Variants in FHIT observed in about 807,000 individuals in gnomAD.
FHIT encodes the protein bis(5'-adenosyl)-triphosphatase.
FHIT carries 19 observed loss-of-function variants against 17.9 expected under a neutral mutation model. The ratio of observed to expected loss-of-function variants is 1.06; its 90% CI spans 0.74 to 1.56. The LOEUF is 1.56. Among genes scored for constraint, FHIT ranks in the 40% most tolerant of loss-of-function variants. The pLI, the probability that FHIT is intolerant of heterozygous loss-of-function variation, is 0.00. For synonymous variants in FHIT, 81 were observed against 69.7 expected, an observed-to-expected ratio of 1.16 and a Z score of -0.81; for missense variants, 248 against 189.2, an observed-to-expected ratio of 1.31 and a Z score of -1.82.
intron 4 of FHIT, chr3:60,617,999 C>T: frequency 4.0e-6 from 1 of 252,676 alleles, no homozygotes; most frequent in South Asian, 5.2e-5. Context: ...TAAATGCTGG[C>T]TGTAACTTGA....
chr3:60,272,408 G>GATT, intron 5 of FHIT, among the ~76,000 whole-genome samples: 1 of 152,272 alleles, frequency 6.6e-6, no homozygotes, highest in East Asian at 1.9e-4. Flanking sequence ...ATAGAGACCA[G>GATT]ATTATAGTCA....
chr3:60,570,257 A>C (rs2037328023), intron 4 of FHIT, among the ~76,000 whole-genome samples: 1 of 152,216 alleles, frequency 6.6e-6, no homozygotes, highest in Non-Finnish European at 1.5e-5. Flanking sequence ...ATGATAACAT[A>C]AGCACAGAAG....
chr3:60,525,672 T>C lies in FHIT; in HGVS notation c.103+11188A>G, dbSNP rs80261611. ...TTTAAAATTCTAGTCTTGGTTCTTTTAAAATTTTATATCCTATCAAGCACA... is the reference window on the plus strand; with the variant it reads ...TTTAAAATTCTAGTCTTGGTTCTTTCAAAATTTTATATCCTATCAAGCACA... On this transcript the variant is annotated intron_variant, in intron 5 of 9. Coordinates refer to ENST00000492590, the MANE Select transcript of FHIT (RefSeq NM_002012.4). 7.4e-3 allele frequency among the ~76,000 whole-genome samples: 1,127 copies of C among 152,316 alleles called. 15 individuals carry two copies. The highest frequency in any genetic ancestry group is 0.026 in the African/African-American group (1,080 of 41,556).
chr3:60,207,438 T>G (rs1326402875), intron 5 of FHIT, among the ~76,000 whole-genome samples: 1 of 152,134 alleles, frequency 6.6e-6, no homozygotes, highest in African/African-American at 2.4e-5. Context: ...GTCACTTTTC[T>G]TACTATATCT....
chr3:60,560,239 G>A lies in FHIT; in HGVS notation c.-17-23260C>T, dbSNP rs375785177. Among the ~76,000 whole-genome samples the A allele has an allele frequency of 7.2e-5, 11 of 152,204 alleles. No individual in the cohort carries two copies. In the South Asian group the frequency reaches 2.1e-3, roughly 29 times the overall value. On this transcript the variant is annotated intron_variant, in intron 4 of 9. Transcript: ENST00000492590. The stretch of plus-strand genomic sequence containing the variant: ...ACTAATTAGTATACCATATAGAAGT[G>A]CCTGTCTTGTATTATTTACAGTGCC...
chr3:60,177,197 G>C (rs1448797074), intron 5 of FHIT, among the ~76,000 whole-genome samples: 3 of 150,870 alleles, frequency 2.0e-5, no homozygotes, highest in Non-Finnish European at 2.9e-5. Context: ...ATAAATACCT[G>C]CCATTAAAAT....
At position 60,280,979 on chromosome 3, in the gene FHIT, T is replaced by C. The variant is rs193206723; in HGVS notation, c.103+255881A>G. On this transcript the variant is annotated intron_variant, in intron 5 of 9. Coordinates refer to ENST00000492590, the MANE Select transcript of FHIT (RefSeq NM_002012.4). ...ACATTCTCTAGAACAAATAAGCAACTGCAGCAATGTTTCAGGATAAAATTT... is the reference window on the plus strand; with the variant it reads ...ACATTCTCTAGAACAAATAAGCAACCGCAGCAATGTTTCAGGATAAAATTT... 5.8e-3 allele frequency among the ~76,000 whole-genome samples: 14 copies of C among 2,434 alleles called. No homozygotes were observed. The East Asian group carries it at 0.39, about 68-fold the overall frequency. The allele number at this position is 2,434 out of a possible 152,430, so 1.6% of individuals were successfully genotyped here.
chr3:60,189,690 T>G (rs1279079930), intron 5 of FHIT, among the ~76,000 whole-genome samples: 1 of 152,244 alleles, frequency 6.6e-6, no homozygotes, highest in Non-Finnish European at 1.5e-5. Context: ...ATTATTTGAA[T>G]GTGAATGTTT....
intron 5 of FHIT, among the ~76,000 whole-genome samples, chr3:60,219,509 A>C (rs563541469): frequency 1.3e-5 from 2 of 152,170 alleles, no homozygotes; most frequent in African/African-American, 4.8e-5. Context: ...ATTAAAATGT[A>C]AACTTATTAT....
chr3:59,885,391 C>A (rs1703578331), intron 8 of FHIT, among the ~76,000 whole-genome samples: 1 of 151,820 alleles, frequency 6.6e-6, no homozygotes, highest in Non-Finnish European at 1.5e-5. Flanking sequence ...AACAAAAATG[C>A]CCTCAGAAAC....
At chr3:60,508,249 A>T (rs1042988061) in intron 5 of FHIT, among the ~76,000 whole-genome samples, 1 of 152,236 alleles carries the variant, frequency 6.6e-6, no homozygotes, top group East Asian at 1.9e-4. Flanking sequence ...CTGTGAATAC[A>T]GTATTGCATG....
intron 3 of FHIT, among the ~76,000 whole-genome samples, chr3:60,879,612 T>G (rs1704861009): frequency 6.6e-6 from 1 of 151,986 alleles, no homozygotes; most frequent in Non-Finnish European, 1.5e-5. Context: ...GAATACAAAC[T>G]AGTACTCTTA....
At chr3:60,554,789 T>C (rs993053544) in intron 4 of FHIT, among the ~76,000 whole-genome samples, 13 of 152,226 alleles carry the variant, frequency 8.5e-5, no homozygotes, top group African/African-American at 2.9e-4. Context: ...AACATAATAA[T>C]TACTATTCTG....
intron 5 of FHIT, among the ~76,000 whole-genome samples, chr3:60,217,639 G>C (rs1703758689): frequency 6.6e-6 from 1 of 152,022 alleles, no homozygotes. Flanking sequence ...CATAACTCTG[G>C]TCCCAGCTTC....
At chr3:60,867,907 G>A (rs1341551128) in intron 3 of FHIT, among the ~76,000 whole-genome samples, 1 of 152,068 alleles carries the variant, frequency 6.6e-6, no homozygotes, top group Non-Finnish European at 1.5e-5. Flanking sequence ...ATTTGTTACT[G>A]CAGCATAACT....
At chr3:59,771,370 A>G (rs1002893365) in intron 8 of FHIT, among the ~76,000 whole-genome samples, 1 of 152,218 alleles carries the variant, frequency 6.6e-6, no homozygotes, top group African/African-American at 2.4e-5. Flanking sequence ...GCATGGGAAT[A>G]TGATAATAAT....
At chr3:60,610,616 T>A (rs1323803795) in intron 4 of FHIT, among the ~76,000 whole-genome samples, 3 of 152,130 alleles carry the variant, frequency 2.0e-5, no homozygotes, top group African/African-American at 4.8e-5. Flanking sequence ...AGAATCAACA[T>A]GAAAAATTAT....
intron 5 of FHIT, among the ~76,000 whole-genome samples, chr3:60,211,050 T>C (rs1056875265): frequency 1.7e-5 from 2 of 120,820 alleles, no homozygotes; most frequent in African/African-American, 6.5e-5. Flanking sequence ...TCCCCCATGA[T>C]GGAGTACTAT....
intron 5 of FHIT, among the ~76,000 whole-genome samples, chr3:60,066,630 AT>A (rs71089574): frequency 1.2e-4 from 6 of 51,418 alleles, no homozygotes; most frequent in East Asian, 1.5e-3. Context: ...TCCCTGACAA[AT>A]TTTTTTTTTT....
Sources: gnomAD v4.1 joint callset for allele counts (sites outside exome capture counted in the v4.1 genomes callset) on GRCh38, gnomAD v4.1.1 for gene constraint, MANE v1.5 for transcripts, NCBI Gene and HGNC (gene_info 2026-07-23, HGNC 2026-07-21) for gene names.